CEP57L1: variants seen among roughly 807,000 people sequenced by gnomAD.
CEP57L1 encodes centrosomal protein 57 like 1.
In CEP57L1, 37 loss-of-function variants were observed where a neutral mutation model predicts 61.0. That is an observed-to-expected ratio of 0.61 (90% CI 0.47 to 0.80). The LOEUF is 0.80. Among genes scored for constraint, CEP57L1 ranks in the 30% least tolerant of loss-of-function variants. The probability of loss-of-function intolerance (pLI) is 0.00; values close to 1 mark genes in which losing one functional copy is unlikely to be tolerated. For missense variants in CEP57L1, 422 were observed against 524.7 expected (o/e 0.80, Z 1.91); for synonymous variants, 137 against 162.3 (o/e 0.84, Z 1.19).
At chr6:109,115,808 G>A (rs183190282) in intron 1 of CEP57L1, among the ~76,000 whole-genome samples, 1 of 152,268 alleles carries the variant, frequency 6.6e-6, no homozygotes, top group African/African-American at 2.4e-5. Flanking sequence ...AAAAGTGACT[G>A]TAGTAATAGT....
intron 1 of CEP57L1, among the ~76,000 whole-genome samples, chr6:109,103,893 A>G (rs924352565): frequency 3.9e-5 from 6 of 152,128 alleles, no homozygotes; most frequent in Non-Finnish European, 8.8e-5. Context: ...ATATACATAT[A>G]TAGGGGTAAG....
At chr6:109,125,885 A>G (rs1044936856) in intron 1 of CEP57L1, among the ~76,000 whole-genome samples, 1 of 152,188 alleles carries the variant, frequency 6.6e-6, no homozygotes, top group Non-Finnish European at 1.5e-5. Flanking sequence ...ATTACCAGTA[A>G]TATTTTCAAA....
At chr6:109,112,026 A>G (rs1053205803) in intron 1 of CEP57L1, among the ~76,000 whole-genome samples, 2 of 152,096 alleles carry the variant, frequency 1.3e-5, no homozygotes, top group African/African-American at 4.8e-5. Flanking sequence ...TATCAGGATG[A>G]TCCTGGCCTC....
In CEP57L1 at chr6:109,162,910, A is replaced by G. The variant is rs370417672; in HGVS notation, c.1323A>G (p.Pro441=). The part of the protein sequence containing the change: ...NLFQKNSSFH[P]IRVHNLQMKL... ...TTCAGAAAAACAGCAGCTTTCATCC[A>G]ATACGAGTTCATAATCTTCAAATGA... Residue 441 remains proline (P), a synonymous_variant, in exon 11 of 11, where the codon CCA becomes CCG. Coordinates refer to ENST00000517392, the MANE Select transcript of CEP57L1 (RefSeq NM_001271852.3). 1.3e-4 allele frequency: 215 copies of G among 1,613,166 alleles called. 1 individual carries two copies. Among genetic ancestry groups the G allele is most frequent in the Non-Finnish European group, 1.7e-4 (198 of 1,179,470 alleles).
chr6:109,108,797 A>G (rs754850589), intron 1 of CEP57L1, among the ~76,000 whole-genome samples: 9 of 152,214 alleles, frequency 5.9e-5, no homozygotes, highest in Non-Finnish European at 1.2e-4. Context: ...GTATTGTTTC[A>G]TGAATTATAT....
chr6:109,102,330 A>G (rs981085837), intron 1 of CEP57L1, among the ~76,000 whole-genome samples: 11 of 152,248 alleles, frequency 7.2e-5, no homozygotes, highest in Admixed American at 6.5e-4. Context: ...AAGTAGCTAG[A>G]ACTACAGGCA....
At chr6:109,156,344 GT>G (rs1256980464) in intron 7 of CEP57L1, 1 of 151,970 alleles carries the variant, frequency 6.6e-6, no homozygotes, top group African/African-American at 2.4e-5. Flanking sequence ...AAAAAATAAG[GT>G]TTTTCTTATA....
At chr6:109,095,378 C>CTCT, upstream of CEP57L1, 1 of 985,874 alleles carries the variant, frequency 1.0e-6, no homozygotes, top group Non-Finnish European at 1.2e-6. Flanking sequence ...TAGTGACGGC[C>CTCT]TCTTCATTAC....
At chr6:109,152,326 G>A (rs944084493) in intron 4 of CEP57L1, among the ~76,000 whole-genome samples, 22 of 152,042 alleles carry the variant, frequency 1.4e-4, no homozygotes, top group African/African-American at 4.8e-4. Flanking sequence ...GATTACAGGC[G>A]CCCGCCACCA....
intron 1 of CEP57L1, 24 bp downstream of exon 1, chr6:109,095,599 C>T (rs1321997023): frequency 1.0e-6 from 1 of 984,640 alleles, no homozygotes; most frequent in African/African-American, 1.7e-5. Flanking sequence ...GCTGGGTTGT[C>T]ACCTTTCCTT....
intron 1 of CEP57L1, among the ~76,000 whole-genome samples, chr6:109,104,757 AT>A (rs933826483): frequency 2.7e-5 from 4 of 149,732 alleles, no homozygotes; most frequent in East Asian, 3.9e-4. Context: ...TAATTAAAAA[AT>A]TTTTTTTTTG....
chr6:109,154,901 T>G (rs1485536531), intron 5 of CEP57L1, among the ~76,000 whole-genome samples: 1 of 152,096 alleles, frequency 6.6e-6, no homozygotes, highest in Non-Finnish European at 1.5e-5. Flanking sequence ...CCCAAGACTA[T>G]AATTGTTTGA....
At chr6:109,136,995 C>T (rs557182285) in intron 1 of CEP57L1, among the ~76,000 whole-genome samples, 2 of 152,010 alleles carry the variant, frequency 1.3e-5, no homozygotes, top group African/African-American at 4.8e-5. Flanking sequence ...TCAAGCAATC[C>T]GCCCACCTCC....
rs1390947002 is a variant in CEP57L1 at position 109,172,553 on chromosome 6, T to C, written c.*9583T>C. On this transcript the variant is annotated 3_prime_UTR_variant, in exon 11 of 11. Transcript: ENST00000517392. The stretch of plus-strand genomic sequence containing the variant: ...TTTGGAATGTGAAAAGTTTACACAA[T>C]CAAGACTTGCTATGTTGATCCTTTA... Among the ~76,000 whole-genome samples the C allele has an allele frequency of 6.6e-6, 1 of 152,210 alleles. No homozygotes were observed. Among genetic ancestry groups the C allele is most frequent in the East Asian group, 1.9e-4 (1 of 5,202 alleles).
At chr6:109,148,428 T>C (rs1021279635) in intron 3 of CEP57L1, among the ~76,000 whole-genome samples, 9 of 152,196 alleles carry the variant, frequency 5.9e-5, no homozygotes, top group Admixed American at 6.5e-5. Flanking sequence ...TTCATCCATG[T>C]CCCTACAAAG....
chr6:109,158,978 CTT>C (rs1341282711), intron 7 of CEP57L1, 45 bp from the exon 8 acceptor site: 3 of 1,560,364 alleles, frequency 1.9e-6, no homozygotes, highest in South Asian at 1.2e-5. Context: ...TCGTAAATAA[CTT>C]TTAAAATAAT....
chr6:109,118,461 A>G (rs1243979757), intron 1 of CEP57L1, among the ~76,000 whole-genome samples: 1 of 152,164 alleles, frequency 6.6e-6, no homozygotes, highest in Non-Finnish European at 1.5e-5. Flanking sequence ...CTGTGCCAAC[A>G]AGTCTGGTTT....
intron 7 of CEP57L1, chr6:109,157,725 A>C (rs1243170135): frequency 2.0e-5 from 3 of 152,240 alleles, no homozygotes; most frequent in Non-Finnish European, 4.4e-5. Context: ...ATGCCATGTT[A>C]AGAGTTTGAA....
intron 9 of CEP57L1, 56 bp from the exon 10 acceptor site, chr6:109,160,516 A>G: frequency 7.2e-7 from 1 of 1,379,708 alleles, no homozygotes; most frequent in East Asian, 2.6e-5. Flanking sequence ...TAATTATGGC[A>G]AAGAAATATA....
Sources: gnomAD v4.1 joint callset for allele counts (sites outside exome capture counted in the v4.1 genomes callset) on GRCh38, gnomAD v4.1.1 for gene constraint, MANE v1.5 for transcripts, NCBI Gene and HGNC (gene_info 2026-07-23, HGNC 2026-07-21) for gene names.